Variants in TMEM65 observed in about 807,000 individuals in gnomAD.
TMEM65 encodes the protein transmembrane protein 65.
TMEM65 carries 22 observed loss-of-function variants against 25.4 expected under a neutral mutation model. The observed-to-expected ratio is 0.86, with a 90% CI of 0.62 to 1.23. The LOEUF (loss-of-function observed/expected upper bound fraction) is 1.23, where lower values mean the gene tolerates loss of function less well. Among genes scored for constraint, TMEM65 ranks in the 50% most tolerant of loss-of-function variants. The pLI is 0.00. For synonymous variants in TMEM65, 132 were observed against 126.2 expected (o/e 1.05, Z -0.31); for missense variants, 262 against 308.2 (o/e 0.85, Z 1.12).
In TMEM65 at chr8:124,371,759, G is replaced by T. The variant is rs567770464; in HGVS notation, c.304+95C>A. The T allele has an allele frequency of 5.9e-5, 75 of 1,260,952 alleles. No homozygotes were observed. The East Asian group carries it at 1.6e-3, about 27-fold the overall frequency. 78.1% of individuals were successfully genotyped at this position (1,260,952 alleles called of 1,614,324 possible). ...GGGCGGAAGGGGGGCGGCGGCGGGG[G>T]TCCAAGATCCAGGGCCGCAGCGGGC... On this transcript the variant is annotated intron_variant, in intron 1 of 6. Coordinates refer to ENST00000297632, the MANE Select transcript of TMEM65 (RefSeq NM_194291.3).
chr8:124,330,656 T>C (rs1179057518), intron 2 of TMEM65, 92 bp downstream of exon 2: 1 of 1,246,472 alleles, frequency 8.0e-7, no homozygotes, highest in Non-Finnish European at 1.1e-6. Flanking sequence ...AAGATTTAAT[T>C]TACTGACTCT....
intron 1 of TMEM65, among the ~76,000 whole-genome samples, chr8:124,362,854 T>G (rs1027877318): frequency 1.3e-5 from 2 of 152,164 alleles, no homozygotes; most frequent in Admixed American, 1.3e-4. Flanking sequence ...TAAATGTGTT[T>G]GTTTACCTTT....
At chr8:124,348,417 A>C (rs1814666542) in intron 1 of TMEM65, among the ~76,000 whole-genome samples, 1 of 152,166 alleles carries the variant, frequency 6.6e-6, no homozygotes, top group African/African-American at 2.4e-5. Flanking sequence ...ATGGAAGATA[A>C]AGAAAATAAT....
At chr8:124,330,913 A>G in intron 1 of TMEM65, 121 bp from the exon 2 acceptor site, 1 of 960,258 alleles carries the variant, frequency 1.0e-6, no homozygotes, top group Non-Finnish European at 1.6e-6. Context: ...TTATTCATAA[A>G]TTATCTTTAG....
chr8:124,317,960 A>C (rs1814257873), intron 6 of TMEM65, among the ~76,000 whole-genome samples: 1 of 152,200 alleles, frequency 6.6e-6, no homozygotes, highest in African/African-American at 2.4e-5. Flanking sequence ...TTCTTGGGCC[A>C]CACATAAAAT....
At chr8:124,364,366 G>C (rs908319973) in intron 1 of TMEM65, among the ~76,000 whole-genome samples, 2 of 152,174 alleles carry the variant, frequency 1.3e-5, no homozygotes, top group Non-Finnish European at 2.9e-5. Flanking sequence ...GAGCACTGAG[G>C]AGGAGGGAGG....
chr8:124,318,369 G>GTTTTTTTTTTTTTTTTTTTT (rs35876350), intron 6 of TMEM65, among the ~76,000 whole-genome samples: 1 of 64,954 alleles, frequency 1.5e-5, no homozygotes, highest in African/African-American at 5.9e-5. Flanking sequence ...GCATGTTTTT[G>GTTTTTTTTTTTTTTTTTTTT]TTTTTTTTTT....
At chr8:124,326,556 T>C (rs2131200732) in intron 3 of TMEM65, among the ~76,000 whole-genome samples, 1 of 152,202 alleles carries the variant, frequency 6.6e-6, no homozygotes, top group East Asian at 1.9e-4. Flanking sequence ...GGCTAGATTA[T>C]TTAAACAATT....
rs1334259848 is a variant in TMEM65, at chr8:124,372,642, C to CA, written c.-486dup. ...CTGTAAGGTTCCCGAGCCCTCAAAG[C>CA]AGCCGCGCTCCCGAGCCGCAGCCGC... On this transcript the variant is annotated 5_prime_UTR_variant, in exon 1 of 7. Transcript: ENST00000297632. 1.2e-5 allele frequency: 2 copies of CA among 160,988 alleles called. No homozygotes were observed. The highest frequency in any genetic ancestry group is 6.6e-5 in the Admixed American group (1 of 15,074). The allele number at this position is 160,988 out of a possible 1,614,324, so 10.0% of individuals were successfully genotyped here.
chr8:124,315,422 T>C (rs577379290), intron 6 of TMEM65, among the ~76,000 whole-genome samples: 4 of 151,846 alleles, frequency 2.6e-5, no homozygotes, highest in Admixed American at 6.6e-5. Flanking sequence ...CCTGGGTTCA[T>C]GCCATTCTCC....
At chr8:124,351,352 G>T (rs1814705586) in intron 1 of TMEM65, among the ~76,000 whole-genome samples, 1 of 151,892 alleles carries the variant, frequency 6.6e-6, no homozygotes, top group Admixed American at 6.6e-5. Flanking sequence ...AAATTTTTTT[G>T]TCAAAACATG....
intron 2 of TMEM65, among the ~76,000 whole-genome samples, chr8:124,328,399 T>C (rs1814393498): frequency 6.7e-6 from 1 of 148,494 alleles, no homozygotes; most frequent in Non-Finnish European, 1.5e-5. Flanking sequence ...CAAGACTCCA[T>C]CTTAAAAAAA....
At position 124,372,080 on chromosome 8, in the gene TMEM65, G is replaced by T; in HGVS notation, c.78C>A (p.Pro26=). ...LRPGPAAAAA[P]RPPSWCCCGR... ...CGCAGCAGCACCAGGACGGCGGGCGGGGCGCGGCGGCGGCGGCCGGGCCCG... is the reference window on the plus strand; with the variant it reads ...CGCAGCAGCACCAGGACGGCGGGCGTGGCGCGGCGGCGGCGGCCGGGCCCG... Residue 26 remains proline, a synonymous_variant, in exon 1 of 7, where the codon CCC becomes CCA. Coordinates refer to ENST00000297632, the MANE Select transcript of TMEM65 (RefSeq NM_194291.3). The T allele has an allele frequency of 8.8e-7, 1 of 1,130,164 alleles. No individual in the cohort carries two copies. Among genetic ancestry groups the T allele is most frequent in the South Asian group, 4.3e-5 (1 of 23,520 alleles). 70.0% of individuals were successfully genotyped at this position (1,130,164 alleles called of 1,614,324 possible).
intron 1 of TMEM65, among the ~76,000 whole-genome samples, chr8:124,361,783 C>T (rs189969396): frequency 6.6e-6 from 1 of 151,182 alleles, no homozygotes; most frequent in Non-Finnish European, 1.5e-5. Flanking sequence ...TTGCAGTGAG[C>T]GGAGATTGCG....
rs1815024144 is a variant in TMEM65 at position 124,372,042 on chromosome 8, A to G, written c.116T>C (p.Leu39Pro). 1.6e-6 allele frequency: 2 copies of G among 1,234,820 alleles called. No homozygotes were observed. The highest frequency in any genetic ancestry group is 2.0e-6 in the Non-Finnish European group (2 of 988,096). The allele number at this position is 1,234,820 out of a possible 1,614,324, so 76.5% of individuals were successfully genotyped here. ...PSWCCCGRGL[L>P]ALAPPGGLPG... The stretch of plus-strand genomic sequence containing the variant: ...CAAGCCGCCGGGGGGCGCGAGCGCC[A>G]GCAGCCCCCGCCCGCAGCAGCACCA... The change falls in exon 1 of 7, where the codon CTG becomes CCG. Residue 39 changes from leucine (L) to proline (P), a missense_variant. By Grantham distance (98) the Leu-to-Pro change is moderately conservative. Transcript: ENST00000297632.
At chr8:124,356,761 G>A (rs1264049796) in intron 1 of TMEM65, among the ~76,000 whole-genome samples, 1 of 152,108 alleles carries the variant, frequency 6.6e-6, no homozygotes, top group Non-Finnish European at 1.5e-5. Flanking sequence ...AGGCTGGAGT[G>A]TAATGGCGTG....
At chr8:124,363,975 T>C (rs1480994593) in intron 1 of TMEM65, among the ~76,000 whole-genome samples, 2 of 152,034 alleles carry the variant, frequency 1.3e-5, no homozygotes, top group African/African-American at 4.8e-5. Flanking sequence ...AAGGATTTTG[T>C]TGTGCAACCA....
intron 1 of TMEM65, among the ~76,000 whole-genome samples, chr8:124,364,463 T>C (rs1242752417): frequency 6.6e-6 from 1 of 152,206 alleles, no homozygotes; most frequent in Non-Finnish European, 1.5e-5. Flanking sequence ...TGGAGGCATT[T>C]GGTGTAATGA....
Position 124,309,231 on chromosome 8 carries a change from G to A in TMEM65, c.*4729C>T, listed in dbSNP as rs1814127881. The A allele has an allele frequency of 6.6e-6, 1 of 152,190 alleles. No homozygotes were observed. The highest frequency in any genetic ancestry group is 1.5e-5 in the Non-Finnish European group (1 of 68,036). The allele number at this position is 152,190 out of a possible 1,614,324, so 9.4% of individuals were successfully genotyped here. A position where few individuals can be genotyped will look rare whatever the true frequency, so the allele number is the denominator to read the frequency against. ...TCAGAAAGGCTTCCAGCCAATAGGAGGCTATAAGTAAAGTTTGGAGAGAGT... is the reference window on the plus strand; with the variant it reads ...TCAGAAAGGCTTCCAGCCAATAGGAAGCTATAAGTAAAGTTTGGAGAGAGT... On this transcript the variant is annotated 3_prime_UTR_variant, in exon 7 of 7. Coordinates refer to ENST00000297632, the MANE Select transcript of TMEM65 (RefSeq NM_194291.3).
Sources: allele counts gnomAD v4.1 joint callset (sites outside exome capture counted in the v4.1 genomes callset), GRCh38; gene constraint gnomAD v4.1.1; transcripts MANE v1.5; gene names NCBI Gene and HGNC (gene_info 2026-07-23, HGNC 2026-07-21).